Variants in SLC9B2 observed in about 807,000 individuals in gnomAD.
SLC9B2 encodes solute carrier family 9 member B2, also known as sodium/hydrogen exchanger 9B2.
A neutral mutation model predicts 52.2 loss-of-function variants in SLC9B2; 39 were observed. That is an observed-to-expected ratio of 0.75 (90% CI 0.58 to 0.98). The LOEUF (loss-of-function observed/expected upper bound fraction) is 0.98. Among genes scored for constraint, SLC9B2 ranks in the 50% least tolerant of loss-of-function variants. The pLI, the probability that SLC9B2 is intolerant of heterozygous loss-of-function variation, is 0.00. For missense variants in SLC9B2, 626 were observed against 637.5 expected (o/e 0.98, Z 0.19); for synonymous variants, 214 against 227.0 (o/e 0.94, Z 0.51).
At chr4:103,063,154 C>T (rs757637157) in intron 3 of SLC9B2, among the ~76,000 whole-genome samples, 4 of 151,898 alleles carry the variant, frequency 2.6e-5, no homozygotes, top group Non-Finnish European at 4.4e-5. Flanking sequence ...TCATTGTAAA[C>T]GTTTTAACTA....
upstream of SLC9B2, chr4:103,077,240 A>G (rs1349330528): frequency 1.3e-5 from 2 of 152,186 alleles, no homozygotes; most frequent in Non-Finnish European, 2.9e-5. Context: ...GTCAGAAACC[A>G]TTCATTCTTG....
intron 7 of SLC9B2, among the ~76,000 whole-genome samples, chr4:103,046,573 T>G (rs974593051): frequency 8.6e-5 from 13 of 152,038 alleles, no homozygotes; most frequent in Admixed American, 6.6e-4. Flanking sequence ...AAGAGAAATT[T>G]TTCTTATTTT....
chr4:103,074,510 T>G (rs934309224), intron 1 of SLC9B2, among the ~76,000 whole-genome samples: 2 of 152,210 alleles, frequency 1.3e-5, no homozygotes, highest in Non-Finnish European at 2.9e-5. Flanking sequence ...AAAATCATCA[T>G]AGACAATGAA....
chr4:103,071,646 G>A (rs1042638356), intron 1 of SLC9B2, among the ~76,000 whole-genome samples: 3 of 151,936 alleles, frequency 2.0e-5, no homozygotes, highest in African/African-American at 7.3e-5. Context: ...CAAAGTGCTG[G>A]GATTACAGGT....
intron 7 of SLC9B2, 122 bp from the exon 8 acceptor site, chr4:103,045,118 T>G (rs983912620): frequency 2.5e-5 from 16 of 650,594 alleles, no homozygotes; most frequent in African/African-American, 1.8e-4. Context: ...CAGTTTCTGC[T>G]TTCCATATTC....
chr4:103,048,793 A>G (rs748574844), intron 6 of SLC9B2, 100 bp downstream of exon 6: 16 of 1,385,680 alleles, frequency 1.2e-5, no homozygotes, highest in Admixed American at 2.5e-5. Context: ...GCATTTTCTG[A>G]TATCTATAAG....
chr4:103,031,927 T>A, intron 9 of SLC9B2, 119 bp from the exon 10 acceptor site: 1 of 973,620 alleles, frequency 1.0e-6, no homozygotes, highest in Middle Eastern at 2.6e-4. Context: ...CTGTGCCATC[T>A]ATAACTAAAA....
At chr4:103,046,907 C>T (rs991714562) in intron 7 of SLC9B2, 144 bp downstream of exon 7, 13 of 932,082 alleles carry the variant, frequency 1.4e-5, no homozygotes, top group Non-Finnish European at 1.7e-5. Flanking sequence ...TCTGGACCCT[C>T]CTTAGGTACA....
chr4:103,071,710 T>C (rs1210539417), intron 1 of SLC9B2, among the ~76,000 whole-genome samples: 5 of 152,042 alleles, frequency 3.3e-5, no homozygotes, highest in Non-Finnish European at 5.9e-5. Context: ...TGGGTTTCAC[T>C]ATGTTGGCCA....
rs1317028302 is a variant in SLC9B2 at position 103,054,733 on chromosome 4, AAAC to A, written c.442+3065_442+3067del. Among the ~76,000 whole-genome samples the A allele has an allele frequency of 3.3e-5, 5 of 152,198 alleles. No homozygotes were observed. In the East Asian group the frequency reaches 5.8e-4, roughly 18 times the overall value. ...TTTAGGCGATCATTAAAAAGTCAGG[AAAC>A]AACAAGTGCTGGAGAGGATGTGGAG... On this transcript the variant is annotated intron_variant, in intron 4 of 11. Coordinates refer to ENST00000394785, the MANE Select transcript of SLC9B2 (RefSeq NM_178833.7).
intron 2 of SLC9B2, 145 bp from the exon 3 acceptor site, chr4:103,066,652 C>G: frequency 1.4e-6 from 1 of 698,954 alleles, no homozygotes; most frequent in Non-Finnish European, 2.3e-6. Flanking sequence ...AGCTTTATTA[C>G]TAGCTAATCA....
chr4:103,072,054 A>ATTTTTTTTTTTT (rs1375668319), intron 1 of SLC9B2, among the ~76,000 whole-genome samples: 27 of 62,440 alleles, frequency 4.3e-4, no homozygotes, highest in African/African-American at 6.1e-4. Flanking sequence ...TTTGGCTTTC[A>ATTTTTTTTTTTT]TGTTTTTTTT....
intron 9 of SLC9B2, among the ~76,000 whole-genome samples, chr4:103,042,888 AT>A (rs985953985): frequency 6.6e-5 from 10 of 150,740 alleles, no homozygotes; most frequent in Admixed American, 1.3e-4. Flanking sequence ...AATTGGCACT[AT>A]TTTTTTTCTT....
chr4:103,047,309 G>T (rs1744241033), intron 6 of SLC9B2, 83 bp from the exon 7 acceptor site: 3 of 1,143,158 alleles, frequency 2.6e-6, no homozygotes, highest in Non-Finnish European at 2.4e-6. Flanking sequence ...ACTTTTTAGG[G>T]GTTATACTTG....
intron 9 of SLC9B2, among the ~76,000 whole-genome samples, chr4:103,037,935 A>G (rs1392446924): frequency 1.3e-5 from 2 of 150,346 alleles, no homozygotes; most frequent in Admixed American, 6.6e-5. Context: ...ATCTTGGCTC[A>G]TGGCAACCTT....
chr4:103,055,150 A>T (rs896590870), intron 4 of SLC9B2, among the ~76,000 whole-genome samples: 2 of 150,914 alleles, frequency 1.3e-5, no homozygotes, highest in African/African-American at 4.9e-5. Context: ...AAAAAAACCA[A>T]ACACTGCATG....
intron 4 of SLC9B2, among the ~76,000 whole-genome samples, chr4:103,057,085 A>T (rs1745192599): frequency 6.6e-6 from 1 of 151,952 alleles, no homozygotes; most frequent in South Asian, 2.1e-4. Context: ...CTACAACATG[A>T]TGTCACTGAA....
chr4:103,050,433 A>C, intron 4 of SLC9B2, 51 bp from the exon 5 acceptor site: 1 of 1,480,706 alleles, frequency 6.8e-7, no homozygotes, highest in Non-Finnish European at 9.0e-7. Context: ...TACAGAAAAT[A>C]TTTTTAGTAC....
At chr4:103,063,596 GA>G (rs140046977) in intron 3 of SLC9B2, among the ~76,000 whole-genome samples, 2,843 of 151,528 alleles carry the variant, frequency 0.019, 49 homozygotes, top group Non-Finnish European at 0.03. Context: ...GAAACTATTA[GA>G]AAAAAAACAT....
Sources: gnomAD v4.1 joint callset for allele counts (sites outside exome capture counted in the v4.1 genomes callset) on GRCh38, gnomAD v4.1.1 for gene constraint, MANE v1.5 for transcripts, NCBI Gene and HGNC (gene_info 2026-07-23, HGNC 2026-07-21) for gene names.